The following TTLL5 variants were observed in gnomAD, a reference collection of about 807,000 sequenced individuals.
TTLL5 encodes tubulin tyrosine ligase like 5, also known as tubulin polyglutamylase TTLL5.
Under a neutral mutation model 168.4 loss-of-function variants are expected in TTLL5, and 132 were observed. The observed-to-expected ratio is 0.78, with a 90% CI of 0.68 to 0.91. The LOEUF (loss-of-function observed/expected upper bound fraction) is 0.91. Ranked by LOEUF, TTLL5 falls within the 40% of genes least tolerant of loss-of-function variation. The pLI is 0.00. For missense variants in TTLL5, 1,545 were observed against 1,581.5 expected (o/e 0.98, Z 0.39); for synonymous variants, 546 against 558.6 (o/e 0.98, Z 0.32).
intron 2 of TTLL5, among the ~76,000 whole-genome samples, chr14:75,667,459 A>AT (rs1883346222): frequency 6.6e-6 from 1 of 152,210 alleles, no homozygotes; most frequent in Non-Finnish European, 1.5e-5. Context: ...TCATGCCCAC[A>AT]TTTTACAGGT....
chr14:75,951,605 T>C (rs1255468258), intron 31 of TTLL5, among the ~76,000 whole-genome samples: 1 of 150,048 alleles, frequency 6.7e-6, no homozygotes, highest in Non-Finnish European at 1.5e-5. Context: ...ACAAAAAAAT[T>C]TAAAAACTAG....
In TTLL5 at chr14:75,669,545, A is replaced by G. The variant is rs147225754; in HGVS notation, c.181+23A>G. The G allele has an allele frequency of 0.018, 28,916 of 1,604,316 alleles. 329 individuals carry two copies. Among genetic ancestry groups the G allele is most frequent in the South Asian group, 0.037 (3,393 of 90,606 alleles). On this transcript the variant is annotated intron_variant, in intron 3 of 31. Transcript: ENST00000298832. Reference sequence around the variant, plus strand: ...GAGGTGCGTATAACCTCTCCCACAGAGGACGGAGCTGGGCATGGCCCAGAC... The same window carrying G: ...GAGGTGCGTATAACCTCTCCCACAGGGGACGGAGCTGGGCATGGCCCAGAC...
At chr14:75,952,295 C>G (rs192622710) in intron 31 of TTLL5, among the ~76,000 whole-genome samples, 2 of 152,028 alleles carry the variant, frequency 1.3e-5, no homozygotes, top group African/African-American at 4.8e-5. Flanking sequence ...GGCAACACAA[C>G]GAGACCCCAT....
chr14:75,834,214 T>C (rs542519964), intron 28 of TTLL5, among the ~76,000 whole-genome samples: 1 of 152,114 alleles, frequency 6.6e-6, no homozygotes, highest in Non-Finnish European at 1.5e-5. Flanking sequence ...TTTTACTAGA[T>C]GAAAATGGCG....
intron 17 of TTLL5, among the ~76,000 whole-genome samples, chr14:75,746,570 T>C (rs1889628540): frequency 6.6e-6 from 1 of 151,100 alleles, no homozygotes; most frequent in South Asian, 2.1e-4. Context: ...TTTTTTTTTT[T>C]TTTGGAGACA....
intron 10 of TTLL5, among the ~76,000 whole-genome samples, chr14:75,718,963 C>T (rs1315418553): frequency 6.6e-6 from 1 of 152,222 alleles, no homozygotes. Flanking sequence ...GCAGCATTTG[C>T]ATTGACTGAA....
intron 13 of TTLL5, among the ~76,000 whole-genome samples, chr14:75,733,495 G>A (rs1888681481): frequency 6.6e-6 from 1 of 151,954 alleles, no homozygotes. Context: ...AAGCCTGCAA[G>A]CCTAAGAAAT....
intron 15 of TTLL5, among the ~76,000 whole-genome samples, chr14:75,741,352 A>T (rs1237237070): frequency 6.6e-6 from 1 of 152,108 alleles, no homozygotes; most frequent in African/African-American, 2.4e-5. Context: ...AGTTCAGAGG[A>T]CCTTACTTCC....
At chr14:75,763,253 C>CTGTGTGTGTG (rs202149877) in intron 18 of TTLL5, among the ~76,000 whole-genome samples, 8,132 of 145,280 alleles carry the variant, frequency 0.056, 267 homozygotes, top group Non-Finnish European at 0.064. Context: ...ATAGCTCTCT[C>CTGTGTGTGTG]TCTGTGTGTG....
Position 75,745,464 on chromosome 14 carries a change from C to T in TTLL5, c.1396-26C>T, listed in dbSNP as rs773938391. ...TGGACTCCGGTTTTCAAAATAGGTA[C>T]TCATTTTATCTTATTTTTCATCTAG... On this transcript the variant is annotated intron_variant, in intron 16 of 31. Coordinates refer to ENST00000298832, the MANE Select transcript of TTLL5 (RefSeq NM_015072.5). The T allele has an allele frequency of 1.1e-5, 17 of 1,610,160 alleles. 1 individual carries two copies. In the South Asian group the frequency reaches 1.8e-4, roughly 17 times the overall value.
chr14:75,707,024 C>A lies in TTLL5; in HGVS notation c.592C>A (p.Gln198Lys). 1 of 1,608,886 alleles carries A rather than the reference C, an allele frequency of 6.2e-7. No homozygotes were observed. Among genetic ancestry groups the A allele is most frequent in the Non-Finnish European group, 8.5e-7 (1 of 1,176,718 alleles). The change falls in exon 8 of 32, where the codon CAG becomes AAG. Residue 198 changes from glutamine (Q) to lysine (K), a missense_variant. By Grantham distance (53) the Gln-to-Lys change is moderately conservative. Transcript: ENST00000298832. ...RGVYLINNPN[Q>K]ISLEENILVS... is the part of the protein sequence containing the mutation. ...CTTTCTCTTTACTCAATAGCCAAAC[C>A]AGATCTCCCTGGAAGAGAACATTTT...
intron 6 of TTLL5, among the ~76,000 whole-genome samples, chr14:75,691,001 ATTCT>A (rs1885421053): frequency 6.6e-6 from 1 of 152,118 alleles, no homozygotes; most frequent in Admixed American, 6.6e-5. Flanking sequence ...ATTTAAGAAC[ATTCT>A]TTCAGCCTTG....
At chr14:75,946,345 A>G (rs10130555) in intron 31 of TTLL5, among the ~76,000 whole-genome samples, 1,729 of 152,352 alleles carry the variant, frequency 0.011, 32 homozygotes, top group African/African-American at 0.04. Flanking sequence ...AACATATACA[A>G]TTGTTAAATG....
chr14:75,714,718 TTTCAGG>T (rs1393145628), intron 9 of TTLL5, among the ~76,000 whole-genome samples: 1 of 152,196 alleles, frequency 6.6e-6, no homozygotes, highest in Non-Finnish European at 1.5e-5. Context: ...GCACAAGATG[TTTCAGG>T]CTCATCTTGT....
At chr14:75,893,437 T>C (rs561462679) in intron 30 of TTLL5, among the ~76,000 whole-genome samples, 28 of 152,324 alleles carry the variant, frequency 1.8e-4, no homozygotes, top group Admixed American at 1.6e-3. Flanking sequence ...TCAGCAATAA[T>C]GAGTGCTAGA....
At chr14:75,788,409 T>C (rs947423238) in intron 26 of TTLL5, among the ~76,000 whole-genome samples, 6 of 151,844 alleles carry the variant, frequency 4.0e-5, no homozygotes, top group African/African-American at 1.5e-4. Flanking sequence ...CATGGATAAA[T>C]AATATAAGGA....
At chr14:75,806,980 A>G (rs1345314515) in intron 27 of TTLL5, among the ~76,000 whole-genome samples, 1 of 152,194 alleles carries the variant, frequency 6.6e-6, no homozygotes, top group Non-Finnish European at 1.5e-5. Flanking sequence ...TTTTTATAAC[A>G]GATCTATTAT....
At chr14:75,850,226 G>T (rs1896771080) in intron 28 of TTLL5, among the ~76,000 whole-genome samples, 1 of 151,772 alleles carries the variant, frequency 6.6e-6, no homozygotes, top group Non-Finnish European at 1.5e-5. Context: ...GACCAAAATG[G>T]AGAAACCCCG....
At position 75,874,933 on chromosome 14, in the gene TTLL5, C is replaced by CTTTTT. The variant is rs1555353208; in HGVS notation, c.3523-7738_3523-7734dup. Among the ~76,000 whole-genome samples, 254 of 97,436 alleles carry CTTTTT rather than the reference C, an allele frequency of 2.6e-3. 5 individuals carry two copies. Among genetic ancestry groups the CTTTTT allele is most frequent in the African/African-American group, 8.8e-3 (179 of 20,344 alleles). 63.9% of individuals were successfully genotyped at this position (97,436 alleles called of 152,430 possible). Reference sequence around the variant, plus strand: ...AGAGAAAAAAAAAGACACTGGGGGCCTTTTTTTTTTTTTTTTTTGAGACGG... The same window carrying CTTTTT: ...AGAGAAAAAAAAAGACACTGGGGGCCTTTTTTTTTTTTTTTTTTTTTTTGAGACGG... On this transcript the variant is annotated intron_variant, in intron 29 of 31. Coordinates refer to ENST00000298832, the MANE Select transcript of TTLL5 (RefSeq NM_015072.5).
Sources: allele counts gnomAD v4.1 joint callset (sites outside exome capture counted in the v4.1 genomes callset), GRCh38; gene constraint gnomAD v4.1.1; transcripts MANE v1.5; gene names NCBI Gene and HGNC (gene_info 2026-07-23, HGNC 2026-07-21).